SOX5: variants seen among roughly 807,000 people sequenced by gnomAD.
SOX5 encodes transcription factor SOX-5.
In SOX5, 9 loss-of-function variants were observed where a neutral mutation model predicts 92.0. That is an observed-to-expected ratio of 0.10 (90% CI 0.06 to 0.17). The LOEUF (loss-of-function observed/expected upper bound fraction) is 0.17. SOX5 is among the 10% of genes least tolerant of loss of function. The pLI, the probability that SOX5 is intolerant of heterozygous loss-of-function variation, is 1.00. For missense variants in SOX5, 642 were observed against 944.5 expected (o/e 0.68, Z 4.20); for synonymous variants, 344 against 336.3 (o/e 1.02, Z -0.25).
chr12:24,364,249 C>T (rs1259457037), intron 2 of SOX5, among the ~76,000 whole-genome samples: 2 of 151,876 alleles, frequency 1.3e-5, no homozygotes, highest in East Asian at 1.9e-4. Context: ...TCCTTAAAAG[C>T]CCTTAAAATT....
At position 24,369,541 on chromosome 12, in the gene SOX5, T is replaced by C. The variant is rs147854514; in HGVS notation, c.-250-902A>G. 3.2e-3 allele frequency among the ~76,000 whole-genome samples: 492 copies of C among 152,276 alleles called. 2 individuals are homozygous for C. The highest frequency in any genetic ancestry group is 0.011 in the African/African-American group (462 of 41,560). On this transcript the variant is annotated intron_variant, in intron 1 of 4. Transcript: ENST00000446891. ...TGCCTGGAAAGTGACATATCCTGACTCCATGGTGAGGACAACAGAAGCTCT... is the reference window on the plus strand; with the variant it reads ...TGCCTGGAAAGTGACATATCCTGACCCCATGGTGAGGACAACAGAAGCTCT...
intron 4 of SOX5, among the ~76,000 whole-genome samples, chr12:24,175,027 G>A (rs1430566407): frequency 3.3e-5 from 5 of 152,182 alleles, no homozygotes; most frequent in Admixed American, 3.3e-4. Flanking sequence ...TCCCTTCACA[G>A]GGCCTTACCT....
chr12:23,651,776 T>C (rs1396423901), intron 7 of SOX5, among the ~76,000 whole-genome samples: 1 of 151,280 alleles, frequency 6.6e-6, no homozygotes. Flanking sequence ...TGGCATAGAG[T>C]AGATGCTCAA....
At chr12:24,085,950 A>T (rs1943938368) in intron 4 of SOX5, among the ~76,000 whole-genome samples, 2 of 136,738 alleles carry the variant, frequency 1.5e-5, no homozygotes, top group Admixed American at 7.6e-5. Flanking sequence ...ACAAGAACGG[A>T]TATGCTAAAA....
chr12:23,941,895 C>T lies in SOX5; in HGVS notation c.38+7669G>A, dbSNP rs188737448. 4.6e-4 allele frequency among the ~76,000 whole-genome samples: 70 copies of T among 151,180 alleles called. 1 individual carries two copies. In the East Asian group the frequency reaches 0.012, roughly 25 times the overall value. Reference sequence around the variant, plus strand: ...TAACCTGAATTATATGTGACATCCCCCTGCAACCTCTTTTCAAACATATTA... The same window carrying T: ...TAACCTGAATTATATGTGACATCCCTCTGCAACCTCTTTTCAAACATATTA... On this transcript the variant is annotated intron_variant, in intron 1 of 14. Transcript: ENST00000451604.
chr12:24,345,803 T>A (rs4573776), intron 2 of SOX5, among the ~76,000 whole-genome samples: 1,828 of 152,354 alleles, frequency 0.012, 125 homozygotes, highest in Admixed American at 0.11. Flanking sequence ...TTATCCGTAC[T>A]TCACTGAAGG....
chr12:24,526,435 C>T (rs1016285697), intron 1 of SOX5, among the ~76,000 whole-genome samples: 2 of 152,130 alleles, frequency 1.3e-5, no homozygotes, highest in African/African-American at 2.4e-5. Context: ...ACTAGGGACT[C>T]GGTTTACACA....
At chr12:24,299,868 T>A (rs1947753343) in intron 2 of SOX5, among the ~76,000 whole-genome samples, 1 of 152,202 alleles carries the variant, frequency 6.6e-6, no homozygotes, top group Admixed American at 6.5e-5. Flanking sequence ...ACCCGTTATT[T>A]GATGACCCCT....
At chr12:23,582,576 T>G (rs1950196777) in intron 9 of SOX5, among the ~76,000 whole-genome samples, 1 of 152,126 alleles carries the variant, frequency 6.6e-6, no homozygotes. Context: ...AGTTGCTTAC[T>G]TTTAGACTTA....
chr12:23,689,725 T>C (rs2088392989), intron 6 of SOX5, among the ~76,000 whole-genome samples: 1 of 151,564 alleles, frequency 6.6e-6, no homozygotes, highest in Non-Finnish European at 1.5e-5. Context: ...TGTAGAAAAA[T>C]AAAAATACAT....
At chr12:24,042,909 C>G (rs533648176) in intron 4 of SOX5, among the ~76,000 whole-genome samples, 1 of 152,286 alleles carries the variant, frequency 6.6e-6, no homozygotes, top group East Asian at 1.9e-4. Context: ...TTTTGTGAAG[C>G]ACACAGAACC....
chr12:24,348,315 C>T (rs1953594285), intron 2 of SOX5, among the ~76,000 whole-genome samples: 1 of 151,988 alleles, frequency 6.6e-6, no homozygotes, highest in African/African-American at 2.4e-5. Context: ...ACCCCGCCTA[C>T]CTTGCTTCAA....
intron 4 of SOX5, among the ~76,000 whole-genome samples, chr12:24,197,706 T>C (rs1291027604): frequency 1.3e-5 from 2 of 152,130 alleles, no homozygotes; most frequent in African/African-American, 4.8e-5. Flanking sequence ...CTACCAGCCC[T>C]CTTGTGAGCA....
intron 4 of SOX5, among the ~76,000 whole-genome samples, chr12:23,745,214 T>G (rs1244831777): frequency 6.6e-6 from 1 of 152,152 alleles, no homozygotes; most frequent in Non-Finnish European, 1.5e-5. Context: ...TGTACTGACT[T>G]AGAGAGAGCA....
chr12:24,194,566 T>C (rs1956838552), intron 4 of SOX5, among the ~76,000 whole-genome samples: 1 of 152,166 alleles, frequency 6.6e-6, no homozygotes, highest in Non-Finnish European at 1.5e-5. Flanking sequence ...TAAATATATG[T>C]ATATTTTGTC....
chr12:23,756,489 A>G (rs1375008337), intron 3 of SOX5, among the ~76,000 whole-genome samples: 1 of 151,916 alleles, frequency 6.6e-6, no homozygotes, highest in Non-Finnish European at 1.5e-5. Context: ...TTTAATGTAT[A>G]AGTAAATATA....
At chr12:24,515,687 C>A (rs1188439105) in intron 1 of SOX5, among the ~76,000 whole-genome samples, 1 of 152,172 alleles carries the variant, frequency 6.6e-6, no homozygotes, top group Admixed American at 6.5e-5. Flanking sequence ...CAAAATTAAT[C>A]AGTTTCCAGT....
At position 24,373,454 on chromosome 12, in the gene SOX5, T is replaced by C. The variant is rs7964454; in HGVS notation, c.-250-4815A>G. Among the ~76,000 whole-genome samples, 330 of 152,350 alleles carry C rather than the reference T, an allele frequency of 2.2e-3. 3 individuals carry two copies. The highest frequency in any genetic ancestry group is 7.4e-3 in the African/African-American group (308 of 41,576). ...TCTGTGTTAGTTGAAGTCAGCATTC[T>C]TCAAAGAAATTTAGTTTCCTTTTCT... is the stretch of plus-strand genomic sequence containing the variant. On this transcript the variant is annotated intron_variant, in intron 1 of 4. Transcript: ENST00000446891.
Position 23,992,394 on chromosome 12 carries a change from A to G in SOX5, c.-1-96370T>C, listed in dbSNP as rs574624364. Among the ~76,000 whole-genome samples the G allele has an allele frequency of 5.1e-3, 778 of 152,284 alleles. 5 individuals are homozygous for G. Among genetic ancestry groups the G allele is most frequent in the Middle Eastern group, 0.01 (3 of 294 alleles). On this transcript the variant is annotated intron_variant, in intron 4 of 4. Coordinates refer to the SOX5 transcript ENST00000446891. Reference sequence around the variant, plus strand: ...TGATCATACTTACTTATATTATTTCAAAGTCAAATTATGTAAGTAAACAAA... The same window carrying G: ...TGATCATACTTACTTATATTATTTCGAAGTCAAATTATGTAAGTAAACAAA...
Sources: gnomAD v4.1 joint callset for allele counts (sites outside exome capture counted in the v4.1 genomes callset) on GRCh38, gnomAD v4.1.1 for gene constraint, MANE v1.5 for transcripts, NCBI Gene and HGNC (gene_info 2026-07-23, HGNC 2026-07-21) for gene names.